ZNG1B: variants seen among roughly 807,000 people sequenced by gnomAD.
ZNG1B encodes zinc-regulated GTPase metalloprotein activator 1B.
At chr2:113,464,326 G>A in the ZNG1B span, among the ~76,000 whole-genome samples, 1 of 107,222 alleles carries the variant, frequency 9.3e-6, no homozygotes, top group African/African-American at 3.4e-5. Context: ...GTAAAATAGT[G>A]GAGAGACTTG....
the ZNG1B span, among the ~76,000 whole-genome samples, chr2:113,480,352 C>T: frequency 6.6e-6 from 1 of 151,590 alleles, no homozygotes; most frequent in African/African-American, 2.4e-5. Context: ...CGCTACGTTG[C>T]TCAGGCTCGT....
the ZNG1B span, among the ~76,000 whole-genome samples, chr2:113,475,441 C>T: frequency 6.7e-6 from 1 of 150,108 alleles, no homozygotes; most frequent in African/African-American, 2.5e-5. Flanking sequence ...GACTCTTTAT[C>T]CAATTTGCCA....
the ZNG1B span, among the ~76,000 whole-genome samples, chr2:113,477,148 T>A: frequency 1.3e-5 from 2 of 152,196 alleles, no homozygotes; most frequent in Non-Finnish European, 2.9e-5. Flanking sequence ...GATCTCAGAC[T>A]GCTGTGCTAG....
chr2:113,464,898 C>T, the ZNG1B span, among the ~76,000 whole-genome samples: 7 of 152,090 alleles, frequency 4.6e-5, no homozygotes, highest in African/African-American at 1.7e-4. Context: ...CGAATTTTTG[C>T]ATATACGTTT....
the ZNG1B span, chr2:113,439,124 C>T: frequency 1.3e-6 from 2 of 1,500,046 alleles, no homozygotes; most frequent in Non-Finnish European, 1.8e-6. Flanking sequence ...ACTGGTAGGT[C>T]AGTAGATCAC....
chr2:113,445,785 C>T, the ZNG1B span, among the ~76,000 whole-genome samples: 1 of 132,158 alleles, frequency 7.6e-6, no homozygotes, highest in Non-Finnish European at 1.6e-5. Context: ...GTGAATCTGA[C>T]CCATACCATT....
chr2:113,488,344 G>A, the ZNG1B span, among the ~76,000 whole-genome samples: 3 of 152,094 alleles, frequency 2.0e-5, no homozygotes, highest in African/African-American at 4.8e-5. Context: ...GGAACACCCC[G>A]TAGGACGAAA....
chr2:113,481,100 T>C, the ZNG1B span, among the ~76,000 whole-genome samples: 9 of 150,372 alleles, frequency 6.0e-5, no homozygotes, highest in East Asian at 1.7e-3. Flanking sequence ...TTTTTTTTTT[T>C]TTTTTGCTGC....
the ZNG1B span, among the ~76,000 whole-genome samples, chr2:113,473,837 C>T: frequency 2.8e-5 from 4 of 143,612 alleles, no homozygotes; most frequent in African/African-American, 1.1e-4. Flanking sequence ...GGGATGAAGC[C>T]CACTTGATCA....
At chr2:113,463,991 TAAG>T in the ZNG1B span, among the ~76,000 whole-genome samples, 1 of 152,106 alleles carries the variant, frequency 6.6e-6, no homozygotes, top group Non-Finnish European at 1.5e-5. Flanking sequence ...TTGTGATTGC[TAAG>T]AAGAACACAA....
chr2:113,483,770 A>G, the ZNG1B span, among the ~76,000 whole-genome samples: 3 of 152,164 alleles, frequency 2.0e-5, no homozygotes, highest in East Asian at 5.8e-4. Context: ...GAAATTTCAA[A>G]CGTGCGTAAG....
chr2:113,453,348 G>A, the ZNG1B span: 1 of 1,245,322 alleles, frequency 8.0e-7, no homozygotes, highest in Non-Finnish European at 1.1e-6. Context: ...TACCTCCTGG[G>A]TTCAAGTGAT....
At chr2:113,473,160 C>T in the ZNG1B span, among the ~76,000 whole-genome samples, 1 of 150,862 alleles carries the variant, frequency 6.6e-6, no homozygotes, top group Admixed American at 6.6e-5. Context: ...CTTTTATTTC[C>T]TTGAGCAGTG....
chr2:113,439,317 C>T, the ZNG1B span, among the ~76,000 whole-genome samples: 5 of 151,636 alleles, frequency 3.3e-5, no homozygotes, highest in Non-Finnish European at 7.4e-5. Context: ...TTAAGGCTCC[C>T]TCCTCCTTCC....
chr2:113,438,128 G>A, the ZNG1B span: 4 of 1,604,596 alleles, frequency 2.5e-6, no homozygotes, highest in Non-Finnish European at 3.4e-6. Flanking sequence ...ATGATCAAGA[G>A]CAAATGTCTT....
At chr2:113,443,372 A>G in the ZNG1B span, among the ~76,000 whole-genome samples, 3 of 151,892 alleles carry the variant, frequency 2.0e-5, no homozygotes, top group African/African-American at 7.3e-5. Flanking sequence ...AAAGATAGAT[A>G]AGGCAGTCTC....
At chr2:113,438,952 A>G in the ZNG1B span, 6 of 1,523,996 alleles carry the variant, frequency 3.9e-6, no homozygotes, top group Non-Finnish European at 5.3e-6. Flanking sequence ...TGTAGACTGT[A>G]AGTTTATTCC....
the ZNG1B span, among the ~76,000 whole-genome samples, chr2:113,471,703 A>G: frequency 4.6e-3 from 670 of 146,154 alleles, 6 homozygotes; most frequent in African/African-American, 6.3e-3. Context: ...TCATTGTTCA[A>G]TTCCCACCTA....
At chr2:113,478,017 A>G in the ZNG1B span, among the ~76,000 whole-genome samples, 37 of 152,162 alleles carry the variant, frequency 2.4e-4, no homozygotes, top group Non-Finnish European at 5.0e-4. Flanking sequence ...TCTGAATAAT[A>G]TTCCATTTTC....
Sources: allele counts gnomAD v4.1 joint callset (sites outside exome capture counted in the v4.1 genomes callset), GRCh38; gene constraint gnomAD v4.1.1; transcripts MANE v1.5; gene names NCBI Gene and HGNC (gene_info 2026-07-23, HGNC 2026-07-21).